Variants in RAD51AP2 observed in about 807,000 individuals in gnomAD.
RAD51AP2 encodes the protein RAD51 associated protein 2.
In RAD51AP2, 67 loss-of-function variants were observed where a neutral mutation model predicts 85.5. That is an observed-to-expected ratio of 0.78 (90% CI 0.64 to 0.96). RAD51AP2 has a LOEUF of 0.96. Among genes scored for constraint, RAD51AP2 ranks in the 40% least tolerant of loss-of-function variants. The pLI is 0.00. For synonymous variants in RAD51AP2, 474 were observed against 446.5 expected (o/e 1.06, Z -0.78); for missense variants, 1,307 against 1,332.4 (o/e 0.98, Z 0.30).
rs187028078 is a variant in RAD51AP2 at position 17,516,377 on chromosome 2, G to A, written c.2039C>T (p.Pro680Leu). ...AATTTTTTCATATGTTTCAAAAATC[G>A]GAAAACCTGTATTTTGAGTTGTCAT... ...FSMTTQNTGF[P>L]IFETYEKIPL... The change falls in exon 1 of 3, where the codon CCG (proline) becomes CTG (leucine). Residue 680 changes from proline (P) to leucine (L), a missense_variant. Physicochemically the swap from Pro to Leu is moderately conservative, Grantham distance 98. Transcript: ENST00000399080. 8.4e-5 allele frequency: 136 copies of A among 1,611,400 alleles called. No individual in the cohort carries two copies. The East Asian group carries it at 1.7e-3, about 21-fold the overall frequency.
At chr2:17,536,951 G>GGGTAGTC in the RAD51AP2 span, among the ~76,000 whole-genome samples, 1 of 152,176 alleles carries the variant, frequency 6.6e-6, no homozygotes, top group South Asian at 2.1e-4. Context: ...TATTCTAAGA[G>GGGTAGTC]ATACTTCCTA....
the RAD51AP2 span, among the ~76,000 whole-genome samples, chr2:17,524,152 C>G: frequency 1.3e-5 from 2 of 151,948 alleles, no homozygotes; most frequent in Non-Finnish European, 2.9e-5. Context: ...TTATCTTCAG[C>G]CACTTCACTC....
Position 17,514,001 on chromosome 2 carries a change from C to A in RAD51AP2, c.3328+11G>T. On this transcript the variant is annotated intron_variant, in intron 2 of 2. Transcript: ENST00000399080. ...CTTAGAAGTTATCCTAAAAAGTAAC[C>A]ACAATGTTACCTCCTCTCAATAAAT... 1 of 1,421,288 alleles carries A rather than the reference C, an allele frequency of 7.0e-7. No individual in the cohort carries two copies. The highest frequency in any genetic ancestry group is 1.2e-5 in the South Asian group (1 of 84,538). The allele number at this position is 1,421,288 out of a possible 1,614,324, so 88.0% of individuals were successfully genotyped here.
rs757249553 is a variant in RAD51AP2 at position 17,516,935 on chromosome 2, T to C, written c.1481A>G (p.Asn494Ser). 1 of 1,599,468 alleles carries C rather than the reference T, an allele frequency of 6.3e-7. No individual in the cohort carries two copies. Among genetic ancestry groups the C allele is most frequent in the Non-Finnish European group, 8.5e-7 (1 of 1,175,198 alleles). ...CACATGAAAGACTTTTTGTGTAGTA[T>C]TGTATCTCAACTGTAGAGTATTATC... is the stretch of plus-strand genomic sequence containing the variant. ...ENDNTLQLRYNTTQKVFHVNN... is the reference protein window; with the variant it reads ...ENDNTLQLRYSTTQKVFHVNN... The change falls in exon 1 of 3, where the codon AAT becomes AGT. Residue 494 changes from asparagine (N) to serine (S), a missense_variant. By Grantham distance (46) the Asn-to-Ser change is conservative. This residue lies in a region of RAD51AP2 where 635 missense variants were observed against 643.6 expected (regional missense o/e 0.99). Coordinates refer to ENST00000399080, the MANE Select transcript of RAD51AP2 (RefSeq NM_001099218.3).
chr2:17,537,730 T>C, the RAD51AP2 span, among the ~76,000 whole-genome samples: 2 of 152,224 alleles, frequency 1.3e-5, no homozygotes, highest in Admixed American at 6.5e-5. Flanking sequence ...CGAGTGAGAA[T>C]ATTACATGGA....
At chr2:17,529,531 T>C in the RAD51AP2 span, among the ~76,000 whole-genome samples, 2 of 152,162 alleles carry the variant, frequency 1.3e-5, no homozygotes, top group Admixed American at 1.3e-4. Context: ...TGTTGAGCTC[T>C]ATTATGAATC....
chr2:17,529,769 T>C, the RAD51AP2 span, among the ~76,000 whole-genome samples: 1 of 152,180 alleles, frequency 6.6e-6, no homozygotes, highest in Non-Finnish European at 1.5e-5. Flanking sequence ...AAACAAGACC[T>C]TAAAGAATAA....
rs200208291 is a variant in RAD51AP2, at chr2:17,518,136, C to T, written c.280G>A (p.Val94Ile). The T allele has an allele frequency of 7.5e-5, 121 of 1,614,090 alleles. No individual in the cohort carries two copies. In the African/African-American group the frequency reaches 1.5e-3, roughly 20 times the overall value. ...AGATTACATATCTGCTTCCCACTGA[C>T]TGATTTCTCCACACACGAGTCTGTG... ...NSTDSCVEKS[V>I]SGKQICNLKC... is the part of the protein sequence containing the mutation. The change falls in exon 1 of 3, where the codon GTC (valine) becomes ATC (isoleucine). Residue 94 changes from valine (V) to isoleucine (I), a missense_variant. Physicochemically the swap from Val to Ile is conservative, Grantham distance 29. Around this residue, in one of 3 missense-constraint regions of RAD51AP2, gnomAD observed 635 missense variants for 643.6 expected, o/e 0.99. Coordinates refer to ENST00000399080, the MANE Select transcript of RAD51AP2 (RefSeq NM_001099218.3).
chr2:17,513,786 C>T (rs957601489), intron 2 of RAD51AP2, among the ~76,000 whole-genome samples: 22 of 152,092 alleles, frequency 1.4e-4, no homozygotes, highest in Admixed American at 6.5e-4. Flanking sequence ...AATATCTGAA[C>T]GTAGTTTTGC....
chr2:17,519,879 T>A (rs1356459791), upstream of RAD51AP2, among the ~76,000 whole-genome samples: 1 of 152,182 alleles, frequency 6.6e-6, no homozygotes, highest in Non-Finnish European at 1.5e-5. Context: ...CTTGTATAGC[T>A]AAGGTGTATA....
At chr2:17,529,315 A>G in the RAD51AP2 span, among the ~76,000 whole-genome samples, 2 of 152,026 alleles carry the variant, frequency 1.3e-5, no homozygotes, top group South Asian at 2.1e-4. Context: ...CTAAAAAACA[A>G]CTGTTTTCTA....
At chr2:17,531,873 G>A in the RAD51AP2 span, among the ~76,000 whole-genome samples, 1 of 152,158 alleles carries the variant, frequency 6.6e-6, no homozygotes, top group Admixed American at 6.5e-5. Flanking sequence ...TTGAATTTGT[G>A]AACCATAGAT....
intron 2 of RAD51AP2, among the ~76,000 whole-genome samples, chr2:17,512,224 T>C (rs1662513482): frequency 6.6e-6 from 1 of 152,186 alleles, no homozygotes; most frequent in Non-Finnish European, 1.5e-5. Flanking sequence ...TCAAAACTTT[T>C]CAGGATAACT....
the RAD51AP2 span, among the ~76,000 whole-genome samples, chr2:17,533,872 A>G: frequency 2.0e-5 from 3 of 152,194 alleles, no homozygotes; most frequent in Non-Finnish European, 4.4e-5. Context: ...CTATGATTGT[A>G]CCATTGCACT....
the RAD51AP2 span, among the ~76,000 whole-genome samples, chr2:17,528,780 G>T: frequency 6.6e-6 from 1 of 152,146 alleles, no homozygotes; most frequent in African/African-American, 2.4e-5. Flanking sequence ...GAGGTCGGAG[G>T]ATGTAGTGAG....
At position 17,517,401 on chromosome 2, in the gene RAD51AP2, T is replaced by C. The variant is rs751982090; in HGVS notation, c.1015A>G (p.Thr339Ala). 1.2e-6 allele frequency: 2 copies of C among 1,613,642 alleles called. No homozygotes were observed. Among genetic ancestry groups the C allele is most frequent in the Non-Finnish European group, 1.7e-6 (2 of 1,179,874 alleles). ...CTGATCAAGTCTTTTCTCTTACAAG[T>C]ATTTTGGCTACTGAGTGATGGGTAG... is the stretch of plus-strand genomic sequence containing the variant. ...NDYPSLSSQN[T>A]CKRKDLISSN... Residue 339 changes from threonine to alanine, a missense_variant, in exon 1 of 3, where the codon ACT (threonine) becomes GCT (alanine). Around this residue, in one of 3 missense-constraint regions of RAD51AP2, gnomAD observed 635 missense variants for 643.6 expected, o/e 0.99. Coordinates refer to ENST00000399080, the MANE Select transcript of RAD51AP2 (RefSeq NM_001099218.3).
upstream of RAD51AP2, among the ~76,000 whole-genome samples, chr2:17,521,733 A>G (rs62130423): frequency 6.6e-6 from 1 of 152,022 alleles, no homozygotes; most frequent in Admixed American, 6.6e-5. Flanking sequence ...AACATAAATA[A>G]CATCTTAAAT....
At chr2:17,521,670 C>T (rs1357174090), upstream of RAD51AP2, among the ~76,000 whole-genome samples, 1 of 151,938 alleles carries the variant, frequency 6.6e-6, no homozygotes, top group Non-Finnish European at 1.5e-5. Flanking sequence ...ATACTGTGTA[C>T]ATTTATTTGC....
At chr2:17,526,525 C>T in the RAD51AP2 span, among the ~76,000 whole-genome samples, 13 of 152,042 alleles carry the variant, frequency 8.6e-5, no homozygotes, top group Non-Finnish European at 4.4e-5. Context: ...CTCCTTCTAC[C>T]GAGTTTGATT....
Sources: gnomAD v4.1 joint callset for allele counts (sites outside exome capture counted in the v4.1 genomes callset) on GRCh38, gnomAD v4.1.1 for gene constraint, gnomAD v4.1.1 regional missense constraint, MANE v1.5 for transcripts, NCBI Gene and HGNC (gene_info 2026-07-23, HGNC 2026-07-21) for gene names.